The following ATP11C variants were observed in gnomAD, a reference collection of about 807,000 sequenced individuals.
ATP11C encodes the protein phospholipid-transporting ATPase IG.
A neutral mutation model predicts 97.4 loss-of-function variants in ATP11C; 36 were observed. The ratio of observed to expected loss-of-function variants is 0.37; its 90% CI spans 0.28 to 0.49. ATP11C has a LOEUF of 0.49. ATP11C is among the 20% of genes least tolerant of loss of function. The probability of loss-of-function intolerance (pLI) is 0.98; values close to 1 mark genes in which losing one functional copy is unlikely to be tolerated. For synonymous variants in ATP11C, 275 were observed against 290.9 expected (o/e 0.95, Z 0.56); for missense variants, 730 against 824.6 (o/e 0.89, Z 1.40).
chrX:139,931,532 C>T (rs1365267857), intron 1 of ATP11C, among the ~76,000 whole-genome samples: 1 of 112,695 alleles, frequency 8.9e-6, no homozygotes, highest in Non-Finnish European at 1.9e-5. Context: ...GAGCCCTAGG[C>T]AAGGCTGAGT....
At chrX:139,887,302 T>C (rs1307984448) in intron 1 of ATP11C, among the ~76,000 whole-genome samples, 2 of 111,949 alleles carry the variant, frequency 1.8e-5, no homozygotes, top group East Asian at 5.6e-4. Context: ...GGCAACTGTT[T>C]CTTAGATAGG....
At chrX:139,818,226 T>C (rs138327503) in intron 3 of ATP11C, among the ~76,000 whole-genome samples, 1,152 of 112,191 alleles carry the variant, frequency 0.01, 4 homozygotes, top group Middle Eastern at 0.018. Context: ...ATTCTGTTAA[T>C]GCTTCTTGAA....
chrX:139,826,763 A>G lies in ATP11C; in HGVS notation c.88T>C (p.Ser30Pro). 8.3e-7 allele frequency: 1 copy of G among 1,207,907 alleles called. No homozygotes were observed. Among genetic ancestry groups the G allele is most frequent in the Non-Finnish European group, 1.1e-6 (1 of 892,520 alleles). ...RTVFVGNHPVSETEAYIAQRF... is the reference protein window; with the variant it reads ...RTVFVGNHPVPETEAYIAQRF... ...TGTGCAATGTAAGCTTCTGTTTCCG[A>G]AACTGGATGATTGCCAACAAACACT... Residue 30 changes from serine to proline, a missense_variant, in exon 2 of 30, where the codon TCG becomes CCG. Coordinates refer to ENST00000682941, the MANE Select transcript of ATP11C (RefSeq NM_001353812.2).
In ATP11C at chrX:139,785,299, T is replaced by C. The variant is rs753282859; in HGVS notation, c.1593A>G (p.Glu531=). The change falls in exon 16 of 30, where the codon GAA becomes GAG. Residue 531 remains glutamate, a splice_region_variant and synonymous_variant. Transcript: ENST00000682941. ...AGTTTAAGGTGTGAAGAAGTTCATATCTTTAAGAGAAATGAGCAAAGTAAA... is the reference window on the plus strand; with the variant it reads ...AGTTTAAGGTGTGAAGAAGTTCATACCTTTAAGAGAAATGAGCAAAGTAAA... The part of the protein sequence containing the change: ...RVENQRKEIE[E]YELLHTLNFD... 1.7e-6 allele frequency: 2 copies of C among 1,194,189 alleles called. No individual in the cohort carries two copies. The highest frequency in any genetic ancestry group is 1.8e-5 in the South Asian group (1 of 55,067).
chrX:139,834,450 A>G (rs893924565), intron 1 of ATP11C, among the ~76,000 whole-genome samples: 1 of 111,595 alleles, frequency 9.0e-6, no homozygotes, highest in Non-Finnish European at 1.9e-5. Flanking sequence ...CCTCTCCCCA[A>G]AGCTTTGGAT....
At chrX:139,793,117 G>A (rs1288077578) in intron 12 of ATP11C, among the ~76,000 whole-genome samples, 1 of 111,567 alleles carries the variant, frequency 9.0e-6, no homozygotes, top group Non-Finnish European at 1.9e-5. Context: ...ACTGTTTGTC[G>A]GTGAGAGAAA....
At chrX:139,833,419 C>T (rs1476075551) in intron 1 of ATP11C, among the ~76,000 whole-genome samples, 3 of 111,425 alleles carry the variant, frequency 2.7e-5, no homozygotes, top group Admixed American at 9.5e-5. Context: ...CGCATTCTTC[C>T]TGGACCTGGC....
At chrX:139,846,399 T>TA (rs779208060) in intron 1 of ATP11C, among the ~76,000 whole-genome samples, 21 of 112,561 alleles carry the variant, frequency 1.9e-4, no homozygotes, top group African/African-American at 6.4e-4. Flanking sequence ...AATAAAGAGC[T>TA]AATCAAAACT....
intron 29 of ATP11C, 74 bp downstream of exon 29, chrX:139,731,577 A>C: frequency 1.7e-6 from 1 of 588,087 alleles, no homozygotes; most frequent in Non-Finnish European, 2.5e-6. Flanking sequence ...TTAGAGAGTG[A>C]TATTTTCATT....
At chrX:139,912,097 C>T (rs1390512855) in intron 1 of ATP11C, among the ~76,000 whole-genome samples, 1 of 103,571 alleles carries the variant, frequency 9.7e-6, no homozygotes, top group Non-Finnish European at 2.0e-5. Flanking sequence ...ATCGCTTGAA[C>T]CCAGGAGTCA....
intron 1 of ATP11C, among the ~76,000 whole-genome samples, chrX:139,906,293 T>C: frequency 9.2e-6 from 1 of 108,481 alleles, no homozygotes. Flanking sequence ...GGCATATACC[T>C]GTAGTCCTAG....
chrX:139,861,088 C>T (rs1254668456), intron 1 of ATP11C, among the ~76,000 whole-genome samples: 1 of 112,026 alleles, frequency 8.9e-6, no homozygotes, highest in Non-Finnish European at 1.9e-5. Context: ...TCTAATGAGA[C>T]ACAGAATATG....
chrX:139,781,627 G>T (rs922833580), intron 18 of ATP11C, among the ~76,000 whole-genome samples: 1 of 111,859 alleles, frequency 8.9e-6, no homozygotes, highest in Admixed American at 9.4e-5. Context: ...TGAGGTGTGA[G>T]AATCACTTGA....
chrX:139,891,193 T>C (rs1298524698), intron 1 of ATP11C, among the ~76,000 whole-genome samples: 1 of 70,272 alleles, frequency 1.4e-5, no homozygotes, highest in African/African-American at 5.5e-5. Flanking sequence ...AGTCAGAGAT[T>C]GGCCAAAAAA....
intron 1 of ATP11C, among the ~76,000 whole-genome samples, chrX:139,922,330 G>A (rs1300021630): frequency 6.1e-5 from 6 of 98,023 alleles, no homozygotes; most frequent in Non-Finnish European, 2.0e-5. Flanking sequence ...GAGCATCTAT[G>A]TATGGGAAGA....
At chrX:139,736,140 C>T (rs947224912) in intron 28 of ATP11C, among the ~76,000 whole-genome samples, 11 of 110,675 alleles carry the variant, frequency 9.9e-5, no homozygotes, top group African/African-American at 2.3e-4. Flanking sequence ...CCCAGAACTC[C>T]GTACTTTCAA....
chrX:139,800,633 T>G (rs758024214), intron 7 of ATP11C, among the ~76,000 whole-genome samples: 2 of 111,528 alleles, frequency 1.8e-5, no homozygotes, highest in Non-Finnish European at 3.8e-5. Context: ...AAACCACTCT[T>G]TAAACCATAG....
chrX:139,785,274 A>C lies in ATP11C; in HGVS notation c.1618T>G (p.Phe540Val). ...CTCATACGTCGCCGGACAGCATCAA[A>C]GTTTAAGGTGTGAAGAAGTTCATAT... The part of the protein sequence containing the change: ...EEYELLHTLN[F>V]DAVRRRMSVI... Residue 540 changes from phenylalanine (F) to valine (V), a missense_variant, in exon 16 of 30, where the codon TTT becomes GTT. Coordinates refer to ENST00000682941, the MANE Select transcript of ATP11C (RefSeq NM_001353812.2). 1 of 1,208,499 alleles carries C rather than the reference A, an allele frequency of 8.3e-7. No homozygotes were observed. Among genetic ancestry groups the C allele is most frequent in the Non-Finnish European group, 1.1e-6 (1 of 893,038 alleles).
chrX:139,803,841 G>A (rs2082984610), intron 6 of ATP11C, among the ~76,000 whole-genome samples: 1 of 105,862 alleles, frequency 9.4e-6, no homozygotes, highest in Non-Finnish European at 1.9e-5. Context: ...TGGAATTACA[G>A]GCGCCCACCA....
Sources: allele counts gnomAD v4.1 joint callset (sites outside exome capture counted in the v4.1 genomes callset), GRCh38; gene constraint gnomAD v4.1.1; transcripts MANE v1.5; gene names NCBI Gene and HGNC (gene_info 2026-07-23, HGNC 2026-07-21).